Variants in BLTP3A observed in about 807,000 individuals in gnomAD.
The protein encoded by BLTP3A is ICBP90 binding protein 1.
At chr6:34,848,206 C>T in the BLTP3A span, among the ~76,000 whole-genome samples, 7 of 150,778 alleles carry the variant, frequency 4.6e-5, no homozygotes, top group African/African-American at 1.5e-4. Flanking sequence ...TAGGCTTGAG[C>T]CCGGGAGATA....
the BLTP3A span, among the ~76,000 whole-genome samples, chr6:34,803,827 C>G: frequency 1.3e-5 from 2 of 151,914 alleles, no homozygotes; most frequent in African/African-American, 4.8e-5. Context: ...CTAGTTAATC[C>G]AAGCTGACTG....
At chr6:34,801,752 C>T in the BLTP3A span, among the ~76,000 whole-genome samples, 88 of 152,190 alleles carry the variant, frequency 5.8e-4, 3 homozygotes, top group South Asian at 0.017. Flanking sequence ...GACGGAGTCT[C>T]GCTCTGTCTC....
chr6:34,824,124 G>A, the BLTP3A span, among the ~76,000 whole-genome samples: 2 of 150,764 alleles, frequency 1.3e-5, no homozygotes, highest in Admixed American at 6.6e-5. Flanking sequence ...TGTAGTTTTG[G>A]TAGAGACTGT....
chr6:34,825,612 C>T, the BLTP3A span, among the ~76,000 whole-genome samples: 1 of 152,306 alleles, frequency 6.6e-6, no homozygotes, highest in South Asian at 2.1e-4. Context: ...CAGTCTCCGG[C>T]CTCTTTTCTA....
At chr6:34,821,183 C>T in the BLTP3A span, among the ~76,000 whole-genome samples, 8 of 151,546 alleles carry the variant, frequency 5.3e-5, no homozygotes, top group East Asian at 2.0e-4. Flanking sequence ...CTCGAACTCC[C>T]GACCTCAGGT....
the BLTP3A span, chr6:34,871,262 C>G: frequency 9.5e-7 from 1 of 1,056,584 alleles, no homozygotes. Flanking sequence ...AATATTAATA[C>G]ATATTTGCAT....
the BLTP3A span, among the ~76,000 whole-genome samples, chr6:34,807,125 C>T: frequency 1.3e-5 from 2 of 151,982 alleles, no homozygotes; most frequent in Non-Finnish European, 2.9e-5. Context: ...AATTATTGTC[C>T]TAGATGTAAG....
At chr6:34,808,626 C>G in the BLTP3A span, among the ~76,000 whole-genome samples, 1 of 151,988 alleles carries the variant, frequency 6.6e-6, no homozygotes, top group Non-Finnish European at 1.5e-5. Context: ...CTCTGTTGCC[C>G]AGGCTGGAGT....
At chr6:34,868,373 C>T in the BLTP3A span, among the ~76,000 whole-genome samples, 4 of 151,890 alleles carry the variant, frequency 2.6e-5, no homozygotes, top group South Asian at 2.1e-4. Flanking sequence ...AATCCCAGCA[C>T]GCTGGGAAGC....
the BLTP3A span, chr6:34,864,207 G>C: frequency 6.2e-7 from 1 of 1,609,710 alleles, no homozygotes; most frequent in East Asian, 2.2e-5. Flanking sequence ...TGGTATGTGG[G>C]AGCAGAGCCA....
the BLTP3A span, chr6:34,870,768 A>C: frequency 6.8e-7 from 1 of 1,476,362 alleles, no homozygotes; most frequent in Non-Finnish European, 9.1e-7. Flanking sequence ...CCTTTGACAT[A>C]GGGTTATTAT....
chr6:34,821,437 T>TCA, the BLTP3A span: 7 of 508,394 alleles, frequency 1.4e-5, no homozygotes, highest in South Asian at 8.3e-5. Flanking sequence ...TCTGAGTGCA[T>TCA]TTGTTCTGGC....
the BLTP3A span, among the ~76,000 whole-genome samples, chr6:34,804,832 G>A: frequency 8.5e-5 from 13 of 152,174 alleles, no homozygotes; most frequent in East Asian, 1.2e-3. Flanking sequence ...AGTTAAGGTT[G>A]CAGGTTCTTG....
the BLTP3A span, among the ~76,000 whole-genome samples, chr6:34,816,580 T>C: frequency 3.3e-5 from 5 of 152,078 alleles, no homozygotes; most frequent in African/African-American, 1.2e-4. Context: ...GCCACTACAC[T>C]CCAGCTTGGA....
the BLTP3A span, chr6:34,835,433 A>G: frequency 6.2e-7 from 1 of 1,614,218 alleles, no homozygotes; most frequent in Non-Finnish European, 8.5e-7. Flanking sequence ...TCAGCCCATC[A>G]AAGAAAGAGC....
the BLTP3A span, among the ~76,000 whole-genome samples, chr6:34,850,632 A>C: frequency 6.6e-6 from 1 of 152,084 alleles, no homozygotes. Context: ...TACTGGGTCA[A>C]TTCTGCTTTT....
chr6:34,841,192 G>A, the BLTP3A span, among the ~76,000 whole-genome samples: 7 of 151,712 alleles, frequency 4.6e-5, no homozygotes, highest in East Asian at 1.4e-3. Context: ...TCAGCCTCCC[G>A]AGTAGTTGGG....
the BLTP3A span, among the ~76,000 whole-genome samples, chr6:34,830,188 A>G: frequency 1.3e-5 from 2 of 151,982 alleles, no homozygotes; most frequent in Non-Finnish European, 2.9e-5. Context: ...TCCTGGTCTC[A>G]GGTGATCCAC....
chr6:34,831,874 G>T, the BLTP3A span, among the ~76,000 whole-genome samples: 1 of 151,972 alleles, frequency 6.6e-6, no homozygotes, highest in African/African-American at 2.4e-5. Flanking sequence ...GAGTGCAGTG[G>T]CATGATCTTG....
Sources: gnomAD v4.1 joint callset for allele counts (sites outside exome capture counted in the v4.1 genomes callset) on GRCh38, gnomAD v4.1.1 for gene constraint, MANE v1.5 for transcripts, NCBI Gene and HGNC (gene_info 2026-07-23, HGNC 2026-07-21) for gene names.